The following SLC24A3 variants were observed in gnomAD, a reference collection of about 807,000 sequenced individuals.
SLC24A3 encodes solute carrier family 24 member 3.
A neutral mutation model predicts 75.8 loss-of-function variants in SLC24A3; 28 were observed. That is an observed-to-expected ratio of 0.37 (90% CI 0.27 to 0.51). The LOEUF (loss-of-function observed/expected upper bound fraction) is 0.51, where lower values mean the gene tolerates loss of function less well. Ranked by LOEUF, SLC24A3 falls within the 20% of genes least tolerant of loss-of-function variation. SLC24A3 has a pLI of 0.94. For synonymous variants in SLC24A3, 372 were observed against 334.1 expected, an observed-to-expected ratio of 1.11 and a Z score of -1.24; for missense variants, 663 against 847.8, an observed-to-expected ratio of 0.78 and a Z score of 2.71.
At chr20:19,299,250 A>C (rs2122243852) in intron 2 of SLC24A3, among the ~76,000 whole-genome samples, 1 of 150,920 alleles carries the variant, frequency 6.6e-6, no homozygotes, top group African/African-American at 2.4e-5. Context: ...CCCGGCACTC[A>C]ACCTCAGCCC....
At position 19,577,277 on chromosome 20, in the gene SLC24A3, A is replaced by G. The variant is rs6112469; in HGVS notation, c.349-2723A>G. On this transcript the variant is annotated intron_variant, in intron 3 of 16. Coordinates refer to ENST00000328041, the MANE Select transcript of SLC24A3 (RefSeq NM_020689.4). ...TCACCATGTTAGCCAGGATGGTCTC[A>G]ATCTCATGACCTTGTGATCTGCCCG... is the stretch of plus-strand genomic sequence containing the variant. 6.5e-3 allele frequency among the ~76,000 whole-genome samples: 982 copies of G among 152,228 alleles called. 7 individuals carry two copies. The highest frequency in any genetic ancestry group is 0.027 in the Middle Eastern group (8 of 294).
chr20:19,432,333 A>G (rs1313890011), intron 2 of SLC24A3, among the ~76,000 whole-genome samples: 1 of 149,710 alleles, frequency 6.7e-6, no homozygotes, highest in Non-Finnish European at 1.5e-5. Flanking sequence ...CCTAATAAAC[A>G]ATTTTCAGAG....
At chr20:19,684,426 C>A in intron 11 of SLC24A3, 90 bp downstream of exon 11, 8 of 1,435,020 alleles carry the variant, frequency 5.6e-6, no homozygotes, top group Non-Finnish European at 7.5e-6. Flanking sequence ...AGAAGAAGCA[C>A]CTAACTCAAA....
intron 12 of SLC24A3, among the ~76,000 whole-genome samples, chr20:19,689,242 G>A (rs1216128769): frequency 1.3e-5 from 2 of 151,962 alleles, no homozygotes; most frequent in South Asian, 2.1e-4. Context: ...CGATATTATC[G>A]GAACAAATGT....
At chr20:19,620,841 T>G (rs1430900883) in intron 6 of SLC24A3, among the ~76,000 whole-genome samples, 2 of 152,156 alleles carry the variant, frequency 1.3e-5, no homozygotes, top group East Asian at 1.9e-4. Flanking sequence ...GAGAGAATGA[T>G]GGGGTTCACC....
intron 9 of SLC24A3, among the ~76,000 whole-genome samples, chr20:19,676,732 A>G (rs2032528464): frequency 6.6e-6 from 1 of 152,244 alleles, no homozygotes; most frequent in Non-Finnish European, 1.5e-5. Flanking sequence ...TTGTCCAGTT[A>G]GGTAGAAACC....
At chr20:19,462,283 T>TTC (rs1157183133) in intron 2 of SLC24A3, among the ~76,000 whole-genome samples, 6 of 151,328 alleles carry the variant, frequency 4.0e-5, no homozygotes, top group Admixed American at 6.6e-5. Flanking sequence ...TCTTTCTTTT[T>TTC]TTTGCTCTCT....
intron 2 of SLC24A3, among the ~76,000 whole-genome samples, chr20:19,333,777 C>T (rs1316260735): frequency 1.3e-5 from 2 of 151,924 alleles, no homozygotes; most frequent in Admixed American, 6.6e-5. Context: ...ATTAGTATAA[C>T]GATTGCATAT....
At chr20:19,306,871 AAAACAAAC>A (rs58438454) in intron 2 of SLC24A3, among the ~76,000 whole-genome samples, 98 of 151,892 alleles carry the variant, frequency 6.5e-4, no homozygotes, top group African/African-American at 2.0e-3. Flanking sequence ...TTAAAAAACA[AAAACAAAC>A]AAACAAACAA....
At chr20:19,334,561 C>T (rs983527312) in intron 2 of SLC24A3, among the ~76,000 whole-genome samples, 2 of 152,172 alleles carry the variant, frequency 1.3e-5, no homozygotes, top group Non-Finnish European at 2.9e-5. Context: ...AGATTCAGTG[C>T]CAACATCAAT....
intron 2 of SLC24A3, among the ~76,000 whole-genome samples, chr20:19,368,450 G>A (rs535672895): frequency 8.5e-5 from 13 of 152,272 alleles, no homozygotes; most frequent in African/African-American, 2.9e-4. Flanking sequence ...ACATGCTGTC[G>A]GCCCTGCATC....
At position 19,387,967 on chromosome 20, in the gene SLC24A3, G is replaced by A. The variant is rs144885339; in HGVS notation, c.271+106880G>A. Among the ~76,000 whole-genome samples the A allele has an allele frequency of 8.4e-3, 1,271 of 152,036 alleles. 17 individuals are homozygous for A. Among genetic ancestry groups the A allele is most frequent in the African/African-American group, 0.029 (1,220 of 41,464 alleles). On this transcript the variant is annotated intron_variant, in intron 2 of 16. Transcript: ENST00000328041. ...TTAATTTTTTTAATTTTTAATTTTT[G>A]TGTGTTCATAGTGGTATATATATCT... is the stretch of plus-strand genomic sequence containing the variant.
At chr20:19,268,907 C>T (rs1215494908) in intron 1 of SLC24A3, among the ~76,000 whole-genome samples, 1 of 152,246 alleles carries the variant, frequency 6.6e-6, no homozygotes, top group Non-Finnish European at 1.5e-5. Context: ...AAAAGTCAGA[C>T]AAACTCCATC....
At chr20:19,213,811 G>A (rs1981477850) in intron 1 of SLC24A3, among the ~76,000 whole-genome samples, 2 of 152,144 alleles carry the variant, frequency 1.3e-5, no homozygotes, top group South Asian at 4.1e-4. Context: ...TTCGATCCTG[G>A]GATTCAGCTG....
intron 6 of SLC24A3, among the ~76,000 whole-genome samples, chr20:19,628,202 CAA>C (rs776701707): frequency 0.12 from 6,192 of 51,420 alleles, 178 homozygotes; most frequent in African/African-American, 0.25. Flanking sequence ...GACTCCATCT[CAA>C]AAAAAAAAAA....
rs368853257 is a variant in SLC24A3, at chr20:19,346,302, G to GTA, written c.271+65227_271+65228dup. On this transcript the variant is annotated intron_variant, in intron 2 of 16. Transcript: ENST00000328041. ...TATATATATGGTATATATATATGGT[G>GTA]TATATATATATATGGTATATATATA... is the stretch of plus-strand genomic sequence containing the variant. Among the ~76,000 whole-genome samples, 68 of 49,218 alleles carry GTA rather than the reference G, an allele frequency of 1.4e-3. 2 individuals are homozygous for GTA. The East Asian group carries it at 0.019, about 14-fold the overall frequency. 32.3% of individuals were successfully genotyped at this position (49,218 alleles called of 152,430 possible). A position where few individuals can be genotyped will look rare whatever the true frequency, so the allele number is the denominator to read the frequency against.
chr20:19,572,509 C>A (rs2031069631), intron 3 of SLC24A3, among the ~76,000 whole-genome samples: 1 of 152,280 alleles, frequency 6.6e-6, no homozygotes, highest in African/African-American at 2.4e-5. Flanking sequence ...TGAGGGCTCC[C>A]ATGGGTGTTA....
At chr20:19,595,542 G>A (rs143005513) in intron 6 of SLC24A3, among the ~76,000 whole-genome samples, 2 of 152,272 alleles carry the variant, frequency 1.3e-5, no homozygotes, top group African/African-American at 2.4e-5. Flanking sequence ...GACAAGGTGA[G>A]TTGAAACAGC....
chr20:19,236,065 G>T (rs149957196), intron 1 of SLC24A3, among the ~76,000 whole-genome samples: 1 of 152,188 alleles, frequency 6.6e-6, no homozygotes, highest in Non-Finnish European at 1.5e-5. Context: ...ATCTCATGGC[G>T]AACTTTTCTG....
Sources: allele counts gnomAD v4.1 joint callset (sites outside exome capture counted in the v4.1 genomes callset), GRCh38; gene constraint gnomAD v4.1.1; transcripts MANE v1.5; gene names NCBI Gene and HGNC (gene_info 2026-07-23, HGNC 2026-07-21).